The following LPIN2 variants were observed in gnomAD, a reference collection of about 807,000 sequenced individuals.
LPIN2 encodes the protein phosphatidate phosphatase LPIN2.
In LPIN2, 55 loss-of-function variants were observed where a neutral mutation model predicts 111.4. The ratio of observed to expected loss-of-function variants is 0.49; its 90% CI spans 0.40 to 0.62. The LOEUF is 0.62. LPIN2 is among the 20% of genes least tolerant of loss of function. The probability of loss-of-function intolerance (pLI) is 0.00; values close to 1 mark genes in which losing one functional copy is unlikely to be tolerated. For synonymous variants in LPIN2, 425 were observed against 414.0 expected (o/e 1.03, Z -0.32); for missense variants, 992 against 1,112.1 (o/e 0.89, Z 1.54).
At position 2,926,678 on chromosome 18, in the gene LPIN2, A is replaced by G. The variant is rs529730959; in HGVS notation, c.1793+45T>C. On this transcript the variant is annotated intron_variant, in intron 13 of 19. Transcript: ENST00000677752. ...TCAACTTAGAAGTAATGGCCCTGCT[A>G]GAGGGCCTGAGTGCTATGAGCCGGG... The G allele has an allele frequency of 6.5e-6, 10 of 1,530,572 alleles. No individual in the cohort carries two copies. The African/African-American group carries it at 9.5e-5, about 15-fold the overall frequency. The allele number at this position is 1,530,572 out of a possible 1,614,324, so 94.8% of individuals were successfully genotyped here.
intron 8 of LPIN2, among the ~76,000 whole-genome samples, chr18:2,933,214 C>G (rs866396147): frequency 6.6e-6 from 1 of 152,234 alleles, no homozygotes; most frequent in South Asian, 2.1e-4. Flanking sequence ...AGGTAAGAAG[C>G]TTACTTAGTG....
rs920759815 is a variant in LPIN2, at chr18:2,917,697, A to G, written c.*2596T>C. The G allele has an allele frequency of 5.9e-5, 9 of 152,432 alleles. No individual in the cohort carries two copies. The highest frequency in any genetic ancestry group is 1.9e-4 in the African/African-American group (8 of 41,468). The allele number at this position is 152,432 out of a possible 1,614,324, so 9.4% of individuals were successfully genotyped here. A position where few individuals can be genotyped will look rare whatever the true frequency, so the allele number is the denominator to read the frequency against. Reference sequence around the variant, plus strand: ...GGCAGCCTGCATGCTCCAGGTCTACACGAGCACCTCACAGCCTGACAAGGG... The same window carrying G: ...GGCAGCCTGCATGCTCCAGGTCTACGCGAGCACCTCACAGCCTGACAAGGG... On this transcript the variant is annotated 3_prime_UTR_variant, in exon 20 of 20. Transcript: ENST00000677752.
At chr18:3,009,674 C>T (rs1225879731) in intron 1 of LPIN2, among the ~76,000 whole-genome samples, 1 of 152,064 alleles carries the variant, frequency 6.6e-6, no homozygotes, top group Non-Finnish European at 1.5e-5. Flanking sequence ...TTCCTGACCT[C>T]AGGTGATCCG....
Position 2,940,604 on chromosome 18 carries a change from C to T in LPIN2, c.698+1G>A, listed in dbSNP as rs1449758984. 2.5e-6 allele frequency: 4 copies of T among 1,583,598 alleles called. No homozygotes were observed. Among genetic ancestry groups the T allele is most frequent in the African/African-American group, 1.3e-5 (1 of 74,370 alleles). ...AACCAAGAAATTTCAAAGATACTTA[C>T]GTCTCTAAAGGGGACCAATCTCCAT... On this transcript the variant is annotated splice_donor_variant, in intron 5 of 19. Transcript: ENST00000677752. LOFTEE classifies it high-confidence loss of function.
chr18:2,998,244 G>C (rs1030487389), intron 1 of LPIN2, among the ~76,000 whole-genome samples: 2 of 152,190 alleles, frequency 1.3e-5, no homozygotes, highest in Non-Finnish European at 2.9e-5. Context: ...TCAGATTTAG[G>C]CTATTTTTAA....
intron 3 of LPIN2, 25 bp from the exon 4 acceptor site, chr18:2,951,381 G>T (rs752359592): frequency 6.3e-7 from 1 of 1,597,816 alleles, no homozygotes; most frequent in Non-Finnish European, 8.6e-7. Context: ...AGAAAGAAAA[G>T]TTATCCATGA....
chr18:3,012,630 G>A lies in LPIN2; in HGVS notation c.-10+457C>T, dbSNP rs1163184105. 3.9e-5 allele frequency among the ~76,000 whole-genome samples: 6 copies of A among 152,192 alleles called. No individual in the cohort carries two copies. In the South Asian group the frequency reaches 8.3e-4, roughly 21 times the overall value. On this transcript the variant is annotated intron_variant, in intron 1 of 19. Transcript: ENST00000677752. ...CGCCTCGCCGCAGATCACGTGCCCG[G>A]CGCCCCCTCCCGCAGGGCCGGGGGC...
chr18:2,946,700 T>C, intron 4 of LPIN2: 1 of 610,242 alleles, frequency 1.6e-6, no homozygotes, highest in Non-Finnish European at 3.0e-6. Flanking sequence ...TTATGTGGGA[T>C]AAATTATAGG....
Position 2,928,998 on chromosome 18 carries a change from A to G in LPIN2, c.1550+67T>C. On this transcript the variant is annotated intron_variant, in intron 10 of 19. Transcript: ENST00000677752. ...AAGAAGGAACACTTTTATAAGTAACAGTTAAAAATGGCACTTGTAAAAAAA... is the reference window on the plus strand; with the variant it reads ...AAGAAGGAACACTTTTATAAGTAACGGTTAAAAATGGCACTTGTAAAAAAA... The G allele has an allele frequency of 4.0e-6, 4 of 998,760 alleles. No homozygotes were observed. In the South Asian group the frequency reaches 5.2e-5, roughly 13 times the overall value. 61.9% of individuals were successfully genotyped at this position (998,760 alleles called of 1,614,324 possible).
chr18:2,985,266 G>A (rs2078171730), intron 1 of LPIN2: 1 of 152,108 alleles, frequency 6.6e-6, no homozygotes, highest in Admixed American at 6.6e-5. Flanking sequence ...TCTGCAAGGT[G>A]GCACTTTTCA....
In LPIN2 at chr18:2,926,823, T is replaced by A; in HGVS notation, c.1711-18A>T. 1 of 1,606,732 alleles carries A rather than the reference T, an allele frequency of 6.2e-7. No individual in the cohort carries two copies. Among genetic ancestry groups the A allele is most frequent in the Admixed American group, 1.7e-5 (1 of 59,976 alleles). On this transcript the variant is annotated intron_variant, in intron 12 of 19. Coordinates refer to ENST00000677752, the MANE Select transcript of LPIN2 (RefSeq NM_001375808.2). The stretch of plus-strand genomic sequence containing the variant: ...TCTGGCAGCTGTAACAGCAAGATGA[T>A]AATGGCAACATGCAATTTTTTCCCT...
chr18:2,968,849 G>C (rs1043102548), intron 1 of LPIN2, among the ~76,000 whole-genome samples: 1 of 152,162 alleles, frequency 6.6e-6, no homozygotes, highest in Non-Finnish European at 1.5e-5. Flanking sequence ...TAGGTCACAG[G>C]GGGAGGATGA....
Position 2,937,736 on chromosome 18 carries a change from T to A in LPIN2, c.1124A>T (p.Glu375Val). Residue 375 changes from glutamate to valine, a missense_variant, in exon 7 of 20, where the codon GAA becomes GTA. By Grantham distance (121) the Glu-to-Val change is moderately radical. Coordinates refer to ENST00000677752, the MANE Select transcript of LPIN2 (RefSeq NM_001375808.2). ...PNAALAEAPSESKPAAKVDSP... is the reference protein window; with the variant it reads ...PNAALAEAPSVSKPAAKVDSP... Reference sequence around the variant, plus strand: ...GTCTACTTTAGCTGCCGGTTTGGATTCTGAGGGCGCCTCCGCTAAGGCTGC... The same window carrying A: ...GTCTACTTTAGCTGCCGGTTTGGATACTGAGGGCGCCTCCGCTAAGGCTGC... 1 of 1,614,100 alleles carries A rather than the reference T, an allele frequency of 6.2e-7. No homozygotes were observed. Among genetic ancestry groups the A allele is most frequent in the South Asian group, 1.1e-5 (1 of 91,080 alleles).
chr18:3,004,593 T>C (rs984370257), intron 1 of LPIN2, among the ~76,000 whole-genome samples: 1 of 152,176 alleles, frequency 6.6e-6, no homozygotes, highest in African/African-American at 2.4e-5. Context: ...AGTGTACACT[T>C]ACTCAAATCA....
At chr18:2,986,884 T>C (rs948293298) in intron 1 of LPIN2, among the ~76,000 whole-genome samples, 1 of 152,172 alleles carries the variant, frequency 6.6e-6, no homozygotes, top group Admixed American at 6.5e-5. Context: ...TTGGACAACA[T>C]TTTCAACAAA....
chr18:2,925,453 A>G lies in LPIN2; in HGVS notation c.1794-85T>C. 1 of 1,564,360 alleles carries G rather than the reference A, an allele frequency of 6.4e-7. No homozygotes were observed. Among genetic ancestry groups the G allele is most frequent in the Middle Eastern group, 2.1e-4 (1 of 4,740 alleles). On this transcript the variant is annotated intron_variant, in intron 13 of 19. Transcript: ENST00000677752. The surrounding 1 kb of genome is among the most constrained non-coding windows in gnomAD (Gnocchi z 4.1). ...TTCATTTAGGATCAAGAAAATAAAG[A>G]TATCCTAAATCTTTTCTAGGAATGG...
intron 1 of LPIN2, chr18:2,985,098 C>G (rs2078169145): frequency 6.6e-6 from 1 of 152,266 alleles, no homozygotes; most frequent in Non-Finnish European, 1.5e-5. Flanking sequence ...AATGTCCTGA[C>G]TGCAAGGAAC....
intron 1 of LPIN2, among the ~76,000 whole-genome samples, chr18:3,005,206 A>T (rs1447223155): frequency 6.6e-6 from 1 of 151,854 alleles, no homozygotes; most frequent in Non-Finnish European, 1.5e-5. Context: ...AAAAATTAGC[A>T]GCGTTTGGTG....
rs1328838366 is a variant in LPIN2 at position 2,928,769 on chromosome 18, ATTC to A, written c.1551-112_1551-110del. 19 of 835,706 alleles carry A rather than the reference ATTC, an allele frequency of 2.3e-5. No homozygotes were observed. The Admixed American group carries it at 2.8e-4, about 12-fold the overall frequency. 51.8% of individuals were successfully genotyped at this position (835,706 alleles called of 1,614,324 possible). On this transcript the variant is annotated intron_variant, in intron 10 of 19. Transcript: ENST00000677752. Reference sequence around the variant, plus strand: ...AGGGAAGTGACATATAAAATTGCTTATTCTTTTCAATAAAGATGATCAGCTGAA... The same window carrying A: ...AGGGAAGTGACATATAAAATTGCTTATTTTCAATAAAGATGATCAGCTGAA...
Sources: allele counts gnomAD v4.1 joint callset (sites outside exome capture counted in the v4.1 genomes callset), GRCh38; gene constraint gnomAD v4.1.1; non-coding constraint Gnocchi (gnomAD v3.1); transcripts MANE v1.5; gene names NCBI Gene and HGNC (gene_info 2026-07-23, HGNC 2026-07-21).